The following VPS13B variants were observed in gnomAD, a reference collection of about 807,000 sequenced individuals.
VPS13B encodes the protein intermembrane lipid transfer protein VPS13B.
In VPS13B, 285 loss-of-function variants were observed where a neutral mutation model predicts 426.4. The observed-to-expected ratio is 0.67, with a 90% CI of 0.61 to 0.74. The LOEUF is 0.74. Ranked by LOEUF, VPS13B falls within the 30% of genes least tolerant of loss-of-function variation. The probability of loss-of-function intolerance (pLI) is 0.00; values close to 1 mark genes in which losing one functional copy is unlikely to be tolerated. For missense variants in VPS13B, 4,537 were observed against 4,782.6 expected (o/e 0.95, Z 1.51); for synonymous variants, 1,676 against 1,676.4 (o/e 1.00, Z 0.01).
At chr8:99,164,030 C>T (rs1004654419) in intron 15 of VPS13B, among the ~76,000 whole-genome samples, 5 of 152,188 alleles carry the variant, frequency 3.3e-5, no homozygotes, top group Non-Finnish European at 7.3e-5. Context: ...CTAGCTACTT[C>T]CTGCTGGATA....
At chr8:99,851,708 G>C (rs1303618235) in intron 55 of VPS13B, among the ~76,000 whole-genome samples, 1 of 152,080 alleles carries the variant, frequency 6.6e-6, no homozygotes, top group African/African-American at 2.4e-5. Context: ...TGTGGGCCCA[G>C]TGGAGGGGGT....
rs141608582 is a variant in VPS13B, at chr8:99,642,330, C to A, written c.5740C>A (p.Arg1914=). 1.2e-6 allele frequency: 2 copies of A among 1,614,108 alleles called. No homozygotes were observed. The highest frequency in any genetic ancestry group is 3.3e-5 in the Admixed American group (2 of 60,000). Residue 1914 remains arginine (R), a synonymous_variant, in exon 34 of 62, where the codon CGG becomes AGG. Coordinates refer to ENST00000357162, the MANE Select transcript of VPS13B (RefSeq NM_152564.5). The part of the protein sequence containing the change: ...ARQALGITIV[R]QPGRRGTGDL... ...ACAAGCACTTGGTATAACTATTGTT[C>A]GGCAGCCTGGTCGAAGAGGAACTGG...
chr8:99,697,588 C>A, intron 35 of VPS13B: 1 of 667,752 alleles, frequency 1.5e-6, no homozygotes, highest in East Asian at 2.6e-5. Flanking sequence ...AGAAGGAACT[C>A]TCAAAGACTG....
rs2305290 is a variant in VPS13B at position 99,819,066 on chromosome 8, T to A, written c.8621+178T>A. ...ATTTTAAAATTGCCCTGCCTAGGGA[T>A]CTCTTATTCTCATCTGTAGTTTTAG... On this transcript the variant is annotated intron_variant, in intron 47 of 61. Transcript: ENST00000357162. 0.13 allele frequency among the ~76,000 whole-genome samples: 19,155 copies of A among 152,210 alleles called. 1,233 individuals are homozygous for A. The highest frequency in any genetic ancestry group is 0.14 in the Non-Finnish European group (9,227 of 67,994).
chr8:99,184,990 G>A (rs930400087), intron 16 of VPS13B, among the ~76,000 whole-genome samples: 1 of 151,640 alleles, frequency 6.6e-6, no homozygotes, highest in Non-Finnish European at 1.5e-5. Flanking sequence ...ACTCTGCTTT[G>A]AAAAAAAGAA....
chr8:99,745,791 G>A (rs182230414), intron 39 of VPS13B, among the ~76,000 whole-genome samples: 29 of 152,006 alleles, frequency 1.9e-4, no homozygotes, highest in African/African-American at 6.7e-4. Flanking sequence ...ACTTTTTGTT[G>A]ATGTTGTTAT....
chr8:99,443,899 A>T (rs980337228), intron 23 of VPS13B, among the ~76,000 whole-genome samples: 11 of 152,164 alleles, frequency 7.2e-5, no homozygotes, highest in African/African-American at 2.7e-4. Context: ...CCAGACTGTC[A>T]TCCAAACTGT....
intron 17 of VPS13B, among the ~76,000 whole-genome samples, chr8:99,240,554 T>G (rs186406185): frequency 6.6e-6 from 1 of 152,196 alleles, no homozygotes; most frequent in East Asian, 1.9e-4. Context: ...TTTAAGTATA[T>G]GTACTCATTA....
intron 43 of VPS13B, among the ~76,000 whole-genome samples, chr8:99,792,718 T>G (rs921906050): frequency 6.6e-6 from 1 of 152,076 alleles, no homozygotes; most frequent in African/African-American, 2.4e-5. Flanking sequence ...TAAGCAAGCT[T>G]GAGTAGAGTC....
At chr8:99,247,912 G>A (rs1817308815) in intron 17 of VPS13B, among the ~76,000 whole-genome samples, 1 of 152,172 alleles carries the variant, frequency 6.6e-6, no homozygotes, top group South Asian at 2.1e-4. Context: ...CATTGGTAAT[G>A]TGTTGTGCAA....
intron 3 of VPS13B, among the ~76,000 whole-genome samples, chr8:99,047,399 C>G (rs1354090786): frequency 6.6e-6 from 1 of 152,074 alleles, no homozygotes; most frequent in Admixed American, 6.6e-5. Context: ...TCTAATTGAG[C>G]TTATTTGGAT....
chr8:99,102,860 C>T (rs1797722923), intron 4 of VPS13B, 93 bp from the exon 5 acceptor site: 14 of 1,248,190 alleles, frequency 1.1e-5, no homozygotes, highest in East Asian at 4.8e-5. Context: ...ATAATAACCA[C>T]CTTTCTCATA....
intron 35 of VPS13B, among the ~76,000 whole-genome samples, chr8:99,666,999 A>G (rs1830514126): frequency 1.3e-5 from 2 of 152,194 alleles, no homozygotes; most frequent in South Asian, 2.1e-4. Flanking sequence ...TTAAATATAT[A>G]TAATTTCTGA....
intron 21 of VPS13B, among the ~76,000 whole-genome samples, chr8:99,412,183 A>G (rs1815710654): frequency 6.6e-6 from 1 of 152,010 alleles, no homozygotes; most frequent in South Asian, 2.1e-4. Context: ...ATCCATGAGT[A>G]TGGAATGTTT....
chr8:99,125,074 G>T (rs1848132226), intron 8 of VPS13B, among the ~76,000 whole-genome samples: 2 of 152,100 alleles, frequency 1.3e-5, no homozygotes, highest in African/African-American at 4.8e-5. Flanking sequence ...TTATTAAGGA[G>T]AGTTGACTCA....
chr8:99,256,860 T>C (rs1298485458), intron 17 of VPS13B, among the ~76,000 whole-genome samples: 1 of 152,154 alleles, frequency 6.6e-6, no homozygotes, highest in Non-Finnish European at 1.5e-5. Flanking sequence ...CACTCTAACT[T>C]GCAATTTTCA....
chr8:99,668,490 G>C (rs553108511), intron 35 of VPS13B, among the ~76,000 whole-genome samples: 48 of 152,012 alleles, frequency 3.2e-4, no homozygotes, highest in Middle Eastern at 6.8e-3. Flanking sequence ...TATTTTGCAG[G>C]GATTATTTTC....
chr8:99,509,705 T>TA (rs1438140750), intron 28 of VPS13B, among the ~76,000 whole-genome samples: 1 of 152,164 alleles, frequency 6.6e-6, no homozygotes, highest in African/African-American at 2.4e-5. Flanking sequence ...CTTCTCCTCT[T>TA]AAAAATCTCC....
At chr8:99,607,467 T>C (rs1368195233) in intron 33 of VPS13B, among the ~76,000 whole-genome samples, 7 of 152,320 alleles carry the variant, frequency 4.6e-5, no homozygotes, top group Middle Eastern at 6.8e-3. Flanking sequence ...TTTCAGATTG[T>C]CCCAGGTATT....
Sources: gnomAD v4.1 joint callset for allele counts (sites outside exome capture counted in the v4.1 genomes callset) on GRCh38, gnomAD v4.1.1 for gene constraint, MANE v1.5 for transcripts, NCBI Gene and HGNC (gene_info 2026-07-23, HGNC 2026-07-21) for gene names.